The following ABCA7 variants were observed in gnomAD, a reference collection of about 807,000 sequenced individuals.
ABCA7 encodes the protein phospholipid-transporting ATPase ABCA7.
Under a neutral mutation model 227.6 loss-of-function variants are expected in ABCA7, and 261 were observed. That is an observed-to-expected ratio of 1.15 (90% CI 1.04 to 1.27). The LOEUF is 1.27. ABCA7 is among the 50% of genes most tolerant of loss of function. The pLI is 0.00. For missense variants in ABCA7, 3,331 were observed against 2,924.5 expected (o/e 1.14, Z -3.21); for synonymous variants, 1,488 against 1,279.7 (o/e 1.16, Z -3.47).
At position 1,053,840 on chromosome 19, in the gene ABCA7, C is replaced by T. The variant is rs111483435; in HGVS notation, c.3472+4C>T. On this transcript the variant is annotated splice_donor_region_variant and intron_variant, in intron 25 of 46. Transcript: ENST00000263094. ...GCTGCGGACACAGATATGGAGGGTG[C>T]GGCCACAGCTCCCTGACCCCTGACC... 5,870 of 1,609,000 alleles carry T rather than the reference C, an allele frequency of 3.6e-3. 159 individuals are homozygous for T. The African/African-American group carries it at 0.062, about 17-fold the overall frequency.
chr19:1,043,445 C>T lies in ABCA7; in HGVS notation c.902C>T (p.Thr301Ile), dbSNP rs1201159726. 2.5e-6 allele frequency: 4 copies of T among 1,613,250 alleles called. No individual in the cohort carries two copies. The highest frequency in any genetic ancestry group is 1.7e-5 in the Admixed American group (1 of 60,008). ...GGGAAGCTACTCTTTGCACCAGATA[C>T]ACCTTTTACCCGGAAGCTCATGGCC... ...ILGKLLFAPD[T>I]PFTRKLMAQV... The change falls in exon 9 of 47, where the codon ACA becomes ATA. Residue 301 changes from threonine (T) to isoleucine (I), a missense_variant. Physicochemically the swap from Thr to Ile is moderately conservative, Grantham distance 89. Transcript: ENST00000263094.
In ABCA7 at chr19:1,043,090, C is replaced by T. The variant is rs897674480; in HGVS notation, c.629C>T (p.Pro210Leu). The T allele has an allele frequency of 1.2e-6, 2 of 1,612,336 alleles. No individual in the cohort carries two copies. The highest frequency in any genetic ancestry group is 1.7e-5 in the Admixed American group (1 of 60,006). Residue 210 changes from proline to leucine, a missense_variant, in exon 8 of 47, where the codon CCC becomes CTC. Pro to Leu is a moderately conservative substitution (Grantham distance 98, BLOSUM62 -3). Transcript: ENST00000263094. ...LVELRALLQR[P>L]RGTSGPLELL... ...GAGCTTCGGGCACTGCTGCAGAGAC[C>T]CCGAGGGACCAGCGGCCCCCTGGAG...
intron 40 of ABCA7, among the ~76,000 whole-genome samples, chr19:1,060,301 TC>T (rs1412078189): frequency 6.6e-6 from 1 of 151,572 alleles, no homozygotes; most frequent in East Asian, 1.9e-4. Flanking sequence ...AACCTCCGCC[TC>T]CCAGGTTCAA....
intron 37 of ABCA7, 65 bp from the exon 38 acceptor site, chr19:1,058,553 T>C (rs1268713673): frequency 6.3e-7 from 1 of 1,597,174 alleles, no homozygotes; most frequent in Non-Finnish European, 8.5e-7. Context: ...CAGAGTGACA[T>C]GGATGGAGAA....
chr19:1,060,439 G>C (rs1440170828), intron 40 of ABCA7, among the ~76,000 whole-genome samples: 1 of 151,706 alleles, frequency 6.6e-6, no homozygotes, highest in African/African-American at 2.4e-5. Flanking sequence ...TTGCACTCCT[G>C]ACCTCAAATG....
intron 18 of ABCA7, 139 bp from the exon 19 acceptor site, chr19:1,050,782 A>AAATAATAAGAAT: frequency 2.8e-6 from 1 of 353,272 alleles, no homozygotes; most frequent in East Asian, 1.3e-4. Context: ...TCCGTCTCAA[A>AAATAATAAGAAT]AATAATAATA....
rs750511082 is a variant in ABCA7 at position 1,065,378 on chromosome 19, G to A, written c.6394G>A (p.Val2132Ile). 2 of 1,613,588 alleles carry A rather than the reference G, an allele frequency of 1.2e-6. No individual in the cohort carries two copies. The highest frequency in any genetic ancestry group is 2.2e-5 in the South Asian group (2 of 91,088). The stretch of plus-strand genomic sequence containing the variant: ...GCCAGGCCTGCAGCACCCCAAACGC[G>A]TCAGCCAGTTCCTCGATGACCCTAG... Reference protein sequence around the residue: ...PAPGLQHPKRVSQFLDDPSTA... With the variant: ...PAPGLQHPKRISQFLDDPSTA... The change falls in exon 47 of 47, where the codon GTC becomes ATC. Residue 2132 changes from valine to isoleucine, a missense_variant. Val to Ile is a conservative substitution (Grantham distance 29). Transcript: ENST00000263094.
intron 35 of ABCA7, 107 bp from the exon 36 acceptor site, chr19:1,057,808 T>A: frequency 1.5e-6 from 2 of 1,342,838 alleles, no homozygotes; most frequent in Non-Finnish European, 2.0e-6. Flanking sequence ...GTGCTTTGGG[T>A]GAAAATGTCA....
At position 1,047,185 on chromosome 19, in the gene ABCA7, C is replaced by A; in HGVS notation, c.1874C>A (p.Pro625Gln). 6.2e-7 allele frequency: 1 copy of A among 1,605,108 alleles called. No individual in the cohort carries two copies. Among genetic ancestry groups the A allele is most frequent in the Non-Finnish European group, 8.5e-7 (1 of 1,177,726 alleles). ...GGAGACATCCTCCCCTACAGCCACC[C>A]GGGCGTGGTCTTCCTGTTCTTGGCA... is the stretch of plus-strand genomic sequence containing the variant. ...KLGDILPYSH[P>Q]GVVFLFLAAF... Residue 625 changes from proline (P) to glutamine (Q), a missense_variant, in exon 15 of 47, where the codon CCG (proline) becomes CAG (glutamine). Coordinates refer to ENST00000263094, the MANE Select transcript of ABCA7 (RefSeq NM_019112.4).
Position 1,043,173 on chromosome 19 carries a change from C to G in ABCA7, c.712C>G (p.Leu238Val), listed in dbSNP as rs1363711243. The G allele has an allele frequency of 6.2e-7, 1 of 1,611,122 alleles. No homozygotes were observed. Among genetic ancestry groups the G allele is most frequent in the South Asian group, 1.1e-5 (1 of 90,976 alleles). The change falls in exon 8 of 47, where the codon CTC becomes GTC. Residue 238 changes from leucine (L) to valine (V), a missense_variant. Coordinates refer to ENST00000263094, the MANE Select transcript of ABCA7 (RefSeq NM_019112.4). ...ACCTAGCAGCACAGTGGGCCCCTCCCTCAACTGGTACGAGGCTAGTGACCT... is the reference window on the plus strand; with the variant it reads ...ACCTAGCAGCACAGTGGGCCCCTCCGTCAACTGGTACGAGGCTAGTGACCT... ...RGPSSTVGPSLNWYEASDLME... is the reference protein window; with the variant it reads ...RGPSSTVGPSVNWYEASDLME...
Position 1,043,795 on chromosome 19 carries a change from G to A in ABCA7, c.1001G>A (p.Arg334Gln), listed in dbSNP as rs147846250. ...GAGGTGTGGGAGATGCTGGGACCCC[G>A]GATCTTCACCTTCATGAACGACAGT... ...VREVWEMLGP[R>Q]IFTFMNDSSN... is the part of the protein sequence containing the mutation. The change falls in exon 10 of 47, where the codon CGG (arginine) becomes CAG (glutamine). Residue 334 changes from arginine to glutamine, a missense_variant. Transcript: ENST00000263094. 2.5e-4 allele frequency: 403 copies of A among 1,612,524 alleles called. 2 individuals carry two copies. Among genetic ancestry groups the A allele is most frequent in the East Asian group, 7.1e-4 (32 of 44,828 alleles).
Position 1,056,570 on chromosome 19 carries a change from TG to T in ABCA7, c.4586+73del. 1 of 1,500,814 alleles carries T rather than the reference TG, an allele frequency of 6.7e-7. No homozygotes were observed. The allele number at this position is 1,500,814 out of a possible 1,614,324, so 93.0% of individuals were successfully genotyped here. ...GCCTCCATTTCTCTGTCGTTTGGGG[TG>T]GTGGGAGCTGGATTTGAACCCTGAC... On this transcript the variant is annotated intron_variant, in intron 33 of 46. Coordinates refer to ENST00000263094, the MANE Select transcript of ABCA7 (RefSeq NM_019112.4). The surrounding 1 kb of genome is among the most constrained non-coding windows in gnomAD (Gnocchi z 4.3).
In ABCA7 at chr19:1,041,514, AGCTCCT is replaced by A. The variant is rs753635053; in HGVS notation, c.73_78del (p.Leu25_Leu26del). The A allele has an allele frequency of 1.2e-6, 2 of 1,613,704 alleles. No homozygotes were observed. The highest frequency in any genetic ancestry group is 1.7e-6 in the Non-Finnish European group (2 of 1,180,000). On this transcript the variant is annotated inframe_deletion, in exon 3 of 47. Coordinates refer to ENST00000263094, the MANE Select transcript of ABCA7 (RefSeq NM_019112.4). ...CTCCCACCTATTCTCCCCCAGGTCC[AGCTCCT>A]GGTCGAATTGCTGTGGCCTCTCTTC...
rs750581672 is a variant in ABCA7, at chr19:1,049,423, C to T, written c.2538C>T (p.Gly846=). Residue 846 remains glycine, a synonymous_variant, in exon 18 of 47, where the codon GGC becomes GGT. Coordinates refer to ENST00000263094, the MANE Select transcript of ABCA7 (RefSeq NM_019112.4). The part of the protein sequence containing the change: ...ITAFLGHNGA[G]KTTTLSILSG... ...CCTTCCTGGGCCACAACGGGGCCGG[C>T]AAGACCACCACCCTGTGAGCCCCCA... 1 of 1,605,288 alleles carries T rather than the reference C, an allele frequency of 6.2e-7. No individual in the cohort carries two copies. Among genetic ancestry groups the T allele is most frequent in the Non-Finnish European group, 8.5e-7 (1 of 1,175,284 alleles).
In ABCA7 at chr19:1,047,306, C is replaced by T. The variant is rs1329846561; in HGVS notation, c.1995C>T (p.Phe665=). 6.2e-7 allele frequency: 1 copy of T among 1,604,106 alleles called. No homozygotes were observed. Among genetic ancestry groups the T allele is most frequent in the Non-Finnish European group, 8.5e-7 (1 of 1,178,944 alleles). The change falls in exon 15 of 47, where the codon TTC becomes TTT. Residue 665 remains phenylalanine (F), a synonymous_variant. Coordinates refer to ENST00000263094, the MANE Select transcript of ABCA7 (RefSeq NM_019112.4). ...LAAACGGLAY[F]SLYLPYVLCV... ...CGGCCTGCGGCGGCCTGGCCTACTT[C>T]TCCCTCTACCTGCCCTACGTGCTGT...
chr19:1,065,353 G>C lies in ABCA7; in HGVS notation c.6369G>C (p.Ala2123=), dbSNP rs145934264. 4 of 1,613,480 alleles carry C rather than the reference G, an allele frequency of 2.5e-6. No individual in the cohort carries two copies. Among genetic ancestry groups the C allele is most frequent in the Non-Finnish European group, 3.4e-6 (4 of 1,179,992 alleles). Residue 2123 remains alanine (A), a synonymous_variant, in exon 47 of 47, where the codon GCG becomes GCC. Transcript: ENST00000263094. ...AGGCAGGAGTGGGAGTGGACCCCGCGCCAGGCCTGCAGCACCCCAAACGCG... is the reference window on the plus strand; with the variant it reads ...AGGCAGGAGTGGGAGTGGACCCCGCCCCAGGCCTGCAGCACCCCAAACGCG... The part of the protein sequence containing the change: ...QKEAGVGVDP[A]PGLQHPKRVS...
chr19:1,043,703 G>A, intron 9 of ABCA7, 22 bp from the exon 10 acceptor site: 2 of 1,609,528 alleles, frequency 1.2e-6, no homozygotes, highest in Non-Finnish European at 8.5e-7. Context: ...AGGGTCATCA[G>A]TGGAGGGGGT....
chr19:1,047,284 C>G lies in ABCA7; in HGVS notation c.1973C>G (p.Ala658Gly). The G allele has an allele frequency of 6.2e-7, 1 of 1,605,232 alleles. No homozygotes were observed. The highest frequency in any genetic ancestry group is 8.5e-7 in the Non-Finnish European group (1 of 1,178,994). ...AFFSRANLAA[A>G]CGGLAYFSLY... Reference sequence around the variant, plus strand: ...TTCTCCCGCGCCAACCTGGCTGCGGCCTGCGGCGGCCTGGCCTACTTCTCC... The same window carrying G: ...TTCTCCCGCGCCAACCTGGCTGCGGGCTGCGGCGGCCTGGCCTACTTCTCC... Residue 658 changes from alanine (A) to glycine (G), a missense_variant, in exon 15 of 47, where the codon GCC becomes GGC. Ala to Gly is a moderately conservative substitution (Grantham distance 60, BLOSUM62 0). Transcript: ENST00000263094.
intron 40 of ABCA7, among the ~76,000 whole-genome samples, chr19:1,060,016 G>T (rs1361588342): frequency 6.6e-6 from 1 of 152,042 alleles, no homozygotes; most frequent in African/African-American, 2.4e-5. Context: ...GACCCCTATT[G>T]TATACACATC....
Sources: allele counts gnomAD v4.1 joint callset (sites outside exome capture counted in the v4.1 genomes callset), GRCh38; gene constraint gnomAD v4.1.1; non-coding constraint Gnocchi (gnomAD v3.1); transcripts MANE v1.5; gene names NCBI Gene and HGNC (gene_info 2026-07-23, HGNC 2026-07-21).